The following PRKG1 variants were observed in gnomAD, a reference collection of about 807,000 sequenced individuals.
PRKG1 encodes cGMP-dependent protein kinase 1.
PRKG1 carries 35 observed loss-of-function variants against 88.1 expected under a neutral mutation model. The observed-to-expected ratio is 0.40, with a 90% CI of 0.30 to 0.53. The LOEUF (loss-of-function observed/expected upper bound fraction) is 0.53. Among genes scored for constraint, PRKG1 ranks in the 20% least tolerant of loss-of-function variants. The probability of loss-of-function intolerance (pLI) is 0.59; values close to 1 mark genes in which losing one functional copy is unlikely to be tolerated. For synonymous variants in PRKG1, 303 were observed against 292.5 expected (o/e 1.04, Z -0.37); for missense variants, 540 against 839.8 (o/e 0.64, Z 4.41).
intron 3 of PRKG1, among the ~76,000 whole-genome samples, chr10:51,703,650 T>A (rs12242502): frequency 6.6e-6 from 1 of 152,070 alleles, no homozygotes; most frequent in African/African-American, 2.4e-5. Context: ...GTGAAAACAA[T>A]AGTCTGCCAG....
chr10:51,601,802 G>A (rs1838613959), intron 3 of PRKG1, among the ~76,000 whole-genome samples: 1 of 112,666 alleles, frequency 8.9e-6, no homozygotes, highest in African/African-American at 3.4e-5. Context: ...AAATGCAGAG[G>A]TTTGGGTGAT....
At position 52,133,855 on chromosome 10, in the gene PRKG1, A is replaced by T. The variant is rs770604607; in HGVS notation, c.951A>T (p.Thr317=). ...EKALQGEDVR[T]ANVIAAEAVT... ...TTTCACATAGGGAAGATGTGAGAACAGCAAACGTAATTGCTGCAGAAGCTG... is the reference window on the plus strand; with the variant it reads ...TTTCACATAGGGAAGATGTGAGAACTGCAAACGTAATTGCTGCAGAAGCTG... The change falls in exon 8 of 18, where the codon ACA becomes ACT. Residue 317 remains threonine (T), a synonymous_variant. Coordinates refer to ENST00000373980, the MANE Select transcript of PRKG1 (RefSeq NM_006258.4). The T allele has an allele frequency of 1.8e-5, 29 of 1,613,102 alleles. No individual in the cohort carries two copies. The highest frequency in any genetic ancestry group is 5.3e-5 in the African/African-American group (4 of 74,910).
chr10:51,312,564 G>C (rs1841215968), intron 2 of PRKG1, among the ~76,000 whole-genome samples: 1 of 152,110 alleles, frequency 6.6e-6, no homozygotes, highest in African/African-American at 2.4e-5. Context: ...AATGAGGTAG[G>C]GGTAGGTGAG....
chr10:51,160,664 T>C (rs1846335400), intron 2 of PRKG1, among the ~76,000 whole-genome samples: 1 of 152,186 alleles, frequency 6.6e-6, no homozygotes, highest in African/African-American at 2.4e-5. Context: ...TTAATTTTCA[T>C]CTCCCTAGGT....
chr10:51,231,043 A>C (rs1026933764), intron 2 of PRKG1, among the ~76,000 whole-genome samples: 2 of 152,170 alleles, frequency 1.3e-5, no homozygotes, highest in African/African-American at 4.8e-5. Flanking sequence ...TGCATGTCCT[A>C]GTCAGCTAGG....
chr10:51,617,980 T>G (rs1481173896), intron 3 of PRKG1, among the ~76,000 whole-genome samples: 3 of 152,254 alleles, frequency 2.0e-5, no homozygotes, highest in Non-Finnish European at 2.9e-5. Flanking sequence ...TCTGGATGTT[T>G]CTGATACGCT....
chr10:51,872,054 C>T (rs550799449), intron 4 of PRKG1, among the ~76,000 whole-genome samples: 2 of 152,316 alleles, frequency 1.3e-5, no homozygotes, highest in African/African-American at 2.4e-5. Context: ...CTGCTAATTA[C>T]GTAGCTAATC....
intron 7 of PRKG1, among the ~76,000 whole-genome samples, chr10:52,080,620 A>G (rs1410826620): frequency 6.6e-6 from 1 of 152,154 alleles, no homozygotes; most frequent in Non-Finnish European, 1.5e-5. Context: ...GGCCTACAGA[A>G]TCTTCTGGAT....
At chr10:52,039,090 G>A (rs1456789258) in intron 5 of PRKG1, among the ~76,000 whole-genome samples, 1 of 152,172 alleles carries the variant, frequency 6.6e-6, no homozygotes, top group Non-Finnish European at 1.5e-5. Context: ...GAGGTCCCCC[G>A]ATCCGAGTCA....
intron 5 of PRKG1, among the ~76,000 whole-genome samples, chr10:52,035,014 A>G (rs991740832): frequency 4.6e-5 from 7 of 152,224 alleles, no homozygotes; most frequent in African/African-American, 1.7e-4. Flanking sequence ...ACAGAGGACC[A>G]TAAGGGACAT....
intron 5 of PRKG1, among the ~76,000 whole-genome samples, chr10:52,048,131 A>G (rs1044528102): frequency 2.6e-5 from 4 of 152,228 alleles, no homozygotes; most frequent in Middle Eastern, 3.4e-3. Context: ...CCTGAATTAC[A>G]TATGACCTGA....
chr10:52,175,630 G>A (rs1051756711), intron 9 of PRKG1, among the ~76,000 whole-genome samples: 4 of 152,012 alleles, frequency 2.6e-5, no homozygotes, highest in East Asian at 1.9e-4. Context: ...CAAGAGTTCC[G>A]TTTTCTCTGT....
chr10:51,791,185 A>G (rs1226357823), intron 3 of PRKG1, among the ~76,000 whole-genome samples: 2 of 152,186 alleles, frequency 1.3e-5, no homozygotes, highest in African/African-American at 4.8e-5. Context: ...TAAAATAAAG[A>G]AAAATATGAG....
intron 5 of PRKG1, among the ~76,000 whole-genome samples, chr10:51,920,645 T>C (rs1313020938): frequency 6.6e-6 from 1 of 152,166 alleles, no homozygotes; most frequent in South Asian, 2.1e-4. Context: ...GGCAGCACCC[T>C]TTAATTGTGG....
chr10:51,999,821 A>C (rs768671482), intron 5 of PRKG1, among the ~76,000 whole-genome samples: 1 of 152,116 alleles, frequency 6.6e-6, no homozygotes, highest in Non-Finnish European at 1.5e-5. Context: ...TTAAGGGATC[A>C]TGAGATAAAA....
At chr10:51,329,553 AC>A (rs1475318923) in intron 2 of PRKG1, among the ~76,000 whole-genome samples, 4 of 152,210 alleles carry the variant, frequency 2.6e-5, no homozygotes, top group African/African-American at 9.6e-5. Context: ...TGTGATACTC[AC>A]TAGCTTTTGT....
intron 2 of PRKG1, among the ~76,000 whole-genome samples, chr10:51,445,103 A>G (rs1164744711): frequency 6.6e-6 from 1 of 151,926 alleles, no homozygotes; most frequent in East Asian, 1.9e-4. Context: ...ATATGTGGTT[A>G]GTGCAAGTGA....
chr10:51,359,679 T>G (rs892612287), intron 2 of PRKG1, among the ~76,000 whole-genome samples: 2 of 151,902 alleles, frequency 1.3e-5, no homozygotes, highest in African/African-American at 2.4e-5. Context: ...GAGTGAGACT[T>G]TCCTTGCTGT....
chr10:51,450,242 A>G (rs1839395539), intron 2 of PRKG1, among the ~76,000 whole-genome samples: 2 of 152,020 alleles, frequency 1.3e-5, no homozygotes, highest in African/African-American at 4.8e-5. Flanking sequence ...TTAAGAAACA[A>G]AATTTTTTTT....
Sources: allele counts gnomAD v4.1 joint callset (sites outside exome capture counted in the v4.1 genomes callset), GRCh38; gene constraint gnomAD v4.1.1; transcripts MANE v1.5; gene names NCBI Gene and HGNC (gene_info 2026-07-23, HGNC 2026-07-21).